TEAD1: variants seen among roughly 807,000 people sequenced by gnomAD.
TEAD1 encodes transcriptional enhancer factor TEF-1.
TEAD1 carries 9 observed loss-of-function variants against 54.9 expected under a neutral mutation model. That is an observed-to-expected ratio of 0.16 (90% CI 0.10 to 0.29). The LOEUF is 0.29. Ranked by LOEUF, TEAD1 falls within the 10% of genes least tolerant of loss-of-function variation. The pLI is 1.00. For synonymous variants in TEAD1, 200 were observed against 187.8 expected (o/e 1.07, Z -0.53); for missense variants, 387 against 535.9 (o/e 0.72, Z 2.74).
intron 10 of TEAD1, among the ~76,000 whole-genome samples, chr11:12,923,444 T>A (rs1454994362): frequency 1.3e-5 from 2 of 152,152 alleles, no homozygotes; most frequent in African/African-American, 4.8e-5. Context: ...GGTGCTTAGT[T>A]CCGTGTGGTA....
At chr11:12,880,490 C>T (rs935351688) in intron 6 of TEAD1, among the ~76,000 whole-genome samples, 2 of 152,204 alleles carry the variant, frequency 1.3e-5, no homozygotes, top group African/African-American at 4.8e-5. Flanking sequence ...CTCTTTCCCT[C>T]CTCTATGTCA....
At chr11:12,935,106 T>C (rs1411296382) in intron 12 of TEAD1, among the ~76,000 whole-genome samples, 1 of 152,174 alleles carries the variant, frequency 6.6e-6, no homozygotes, top group Non-Finnish European at 1.5e-5. Flanking sequence ...GAGGCAGGCA[T>C]GCATCAAGTC....
At chr11:12,888,978 C>T (rs984469799) in intron 9 of TEAD1, among the ~76,000 whole-genome samples, 1 of 152,092 alleles carries the variant, frequency 6.6e-6, no homozygotes, top group Non-Finnish European at 1.5e-5. Flanking sequence ...CATGTGTAAA[C>T]CAGACGGCAG....
chr11:12,714,766 T>C (rs547613131), intron 2 of TEAD1, among the ~76,000 whole-genome samples: 20 of 152,286 alleles, frequency 1.3e-4, no homozygotes, highest in Non-Finnish European at 2.9e-4. Flanking sequence ...GAGGCCCCTC[T>C]TGTTGGCCTG....
intron 3 of TEAD1, among the ~76,000 whole-genome samples, chr11:12,777,095 A>AT (rs200084783): frequency 0.018 from 2,650 of 150,840 alleles, 87 homozygotes; most frequent in African/African-American, 0.061. Context: ...ACCCAGCCTT[A>AT]TTTTTTTTTA....
chr11:12,780,458 G>A (rs10765991), intron 3 of TEAD1, among the ~76,000 whole-genome samples: 49,998 of 151,740 alleles, frequency 0.33, 9,089 homozygotes, highest in South Asian at 0.6. Context: ...TGGCCAGGCT[G>A]GTCTCGAACT....
chr11:12,766,833 G>C (rs1484553777), intron 3 of TEAD1, among the ~76,000 whole-genome samples: 1 of 152,156 alleles, frequency 6.6e-6, no homozygotes, highest in Non-Finnish European at 1.5e-5. Context: ...AATCTTACTG[G>C]TTGTGGGTTT....
intron 2 of TEAD1, among the ~76,000 whole-genome samples, chr11:12,762,615 G>T (rs1326687278): frequency 6.6e-6 from 1 of 152,090 alleles, no homozygotes; most frequent in East Asian, 1.9e-4. Flanking sequence ...CAATCAGAGG[G>T]TTTTTTGTGT....
rs566024259 is a variant in TEAD1 at position 12,677,419 on chromosome 11, C to A, written c.-55+1858C>A. On this transcript the variant is annotated intron_variant, in intron 2 of 12. Coordinates refer to ENST00000527636, the MANE Select transcript of TEAD1 (RefSeq NM_021961.6). ...CCCTTTCCCATTTCCTCTCTCCCCC[C>A]ACTTACTTTATACAGCAGGAATTAT... is the stretch of plus-strand genomic sequence containing the variant. Among the ~76,000 whole-genome samples, 556 of 152,230 alleles carry A rather than the reference C, an allele frequency of 3.7e-3. 2 individuals are homozygous for A. Among genetic ancestry groups the A allele is most frequent in the Middle Eastern group, 0.014 (4 of 294 alleles).
intron 2 of TEAD1, among the ~76,000 whole-genome samples, chr11:12,748,041 A>G (rs929577292): frequency 3.3e-5 from 5 of 151,010 alleles, no homozygotes; most frequent in African/African-American, 4.9e-5. Flanking sequence ...GGCTCACTGC[A>G]ACCTCCACCT....
At chr11:12,748,047 C>G (rs1944784379) in intron 2 of TEAD1, among the ~76,000 whole-genome samples, 2 of 151,674 alleles carry the variant, frequency 1.3e-5, no homozygotes, top group African/African-American at 4.8e-5. Flanking sequence ...CTGCAACCTC[C>G]ACCTCCTGGG....
chr11:12,815,098 T>A (rs949440959), intron 3 of TEAD1, among the ~76,000 whole-genome samples: 1 of 152,152 alleles, frequency 6.6e-6, no homozygotes, highest in Non-Finnish European at 1.5e-5. Context: ...AAAGCCGGGC[T>A]TTGTTTATAG....
chr11:12,734,187 A>T (rs1280808724), intron 2 of TEAD1, among the ~76,000 whole-genome samples: 10 of 152,176 alleles, frequency 6.6e-5, no homozygotes, highest in African/African-American at 2.4e-4. Flanking sequence ...AGTAGCTGGG[A>T]TTACATTGTG....
intron 3 of TEAD1, among the ~76,000 whole-genome samples, chr11:12,816,501 G>A (rs189864905): frequency 6.1e-4 from 93 of 152,246 alleles, no homozygotes; most frequent in African/African-American, 2.1e-3. Flanking sequence ...TGGCTTACAC[G>A]CCCCAGGTAA....
At chr11:12,780,434 TG>T (rs1945519034) in intron 3 of TEAD1, among the ~76,000 whole-genome samples, 1 of 151,856 alleles carries the variant, frequency 6.6e-6, no homozygotes, top group African/African-American at 2.4e-5. Flanking sequence ...AGTAGAGACA[TG>T]GTTTCACCAC....
rs189412633 is a variant in TEAD1 at position 12,898,447 on chromosome 11, T to C, written c.700-3493T>C. On this transcript the variant is annotated intron_variant, in intron 9 of 12. Transcript: ENST00000527636. ...TATCTCTCTGATGCTCAGGCTGGAG[T>C]GCAGTGGTGTGATCTTGGCTCACTG... Among the ~76,000 whole-genome samples, 8 of 151,024 alleles carry C rather than the reference T, an allele frequency of 5.3e-5. No individual in the cohort carries two copies. The East Asian group carries it at 1.2e-3, about 22-fold the overall frequency.
At chr11:12,839,002 C>T (rs1933459482) in intron 3 of TEAD1, among the ~76,000 whole-genome samples, 1 of 152,148 alleles carries the variant, frequency 6.6e-6, no homozygotes, top group South Asian at 2.1e-4. Context: ...AGACACGTCA[C>T]CACACAAGCA....
intron 3 of TEAD1, among the ~76,000 whole-genome samples, chr11:12,813,310 C>G (rs913081496): frequency 1.3e-5 from 2 of 152,142 alleles, no homozygotes; most frequent in African/African-American, 4.8e-5. Flanking sequence ...GTGCCATCTT[C>G]CAATCAGCCA....
chr11:12,727,390 C>T (rs1055000558), intron 2 of TEAD1, among the ~76,000 whole-genome samples: 9 of 152,040 alleles, frequency 5.9e-5, no homozygotes, highest in African/African-American at 2.2e-4. Context: ...TGAATCGGGT[C>T]CTGTGGGCCC....
Sources: allele counts gnomAD v4.1 joint callset (sites outside exome capture counted in the v4.1 genomes callset), GRCh38; gene constraint gnomAD v4.1.1; transcripts MANE v1.5; gene names NCBI Gene and HGNC (gene_info 2026-07-23, HGNC 2026-07-21).